EBF2: variants seen among roughly 807,000 people sequenced by gnomAD.
EBF2 encodes the protein transcription factor COE2.
Under a neutral mutation model 72.8 loss-of-function variants are expected in EBF2, and 21 were observed. The ratio of observed to expected loss-of-function variants is 0.29; its 90% CI spans 0.20 to 0.42. EBF2 has a LOEUF of 0.42. EBF2 is among the 10% of genes least tolerant of loss of function. The pLI is 1.00. For missense variants in EBF2, 637 were observed against 731.2 expected (o/e 0.87, Z 1.49); for synonymous variants, 299 against 274.2 (o/e 1.09, Z -0.89).
intron 6 of EBF2, among the ~76,000 whole-genome samples, chr8:26,002,883 CA>C (rs1804759937): frequency 1.2e-4 from 10 of 85,898 alleles, no homozygotes; most frequent in Admixed American, 2.1e-4. Flanking sequence ...GGCAGGCGGG[CA>C]GGCGGGCAGG....
At chr8:25,965,307 A>C (rs1033531922) in intron 6 of EBF2, among the ~76,000 whole-genome samples, 1 of 152,184 alleles carries the variant, frequency 6.6e-6, no homozygotes, top group African/African-American at 2.4e-5. Context: ...GATTTTGTGT[A>C]ACATATTTTG....
chr8:26,023,989 A>G (rs930193442), intron 6 of EBF2, among the ~76,000 whole-genome samples: 1 of 152,172 alleles, frequency 6.6e-6, no homozygotes, highest in Non-Finnish European at 1.5e-5. Context: ...TACATCTTCC[A>G]TCGCTAACAA....
At chr8:25,968,164 G>T (rs12541364) in intron 6 of EBF2, among the ~76,000 whole-genome samples, 86,058 of 151,866 alleles carry the variant, frequency 0.57, 24,760 homozygotes, top group East Asian at 0.89. Context: ...AATCATGATC[G>T]AGCAATTCCA....
At chr8:26,041,695 G>A (rs1585238790) in intron 2 of EBF2, among the ~76,000 whole-genome samples, 1 of 152,198 alleles carries the variant, frequency 6.6e-6, no homozygotes, top group Non-Finnish European at 1.5e-5. Context: ...GCCAAGGCTG[G>A]GCTGCCGGTT....
At chr8:25,919,943 CAT>C (rs1242362919) in intron 6 of EBF2, among the ~76,000 whole-genome samples, 6 of 152,200 alleles carry the variant, frequency 3.9e-5, no homozygotes, top group Non-Finnish European at 8.8e-5. Flanking sequence ...AGTTTGGAAA[CAT>C]AACACTTTTG....
intron 4 of EBF2, 62 bp from the exon 5 acceptor site, chr8:26,040,163 G>A (rs1258145126): frequency 1.9e-6 from 3 of 1,548,786 alleles, no homozygotes; most frequent in South Asian, 2.2e-5. Context: ...AAGGAAAGAA[G>A]GGACTTCAGA....
chr8:25,990,188 T>TATAC (rs373601248), intron 6 of EBF2, among the ~76,000 whole-genome samples: 1 of 146,268 alleles, frequency 6.8e-6, no homozygotes, highest in South Asian at 2.2e-4. Flanking sequence ...CTATGGGTTA[T>TATAC]ACACACACAC....
Position 25,950,405 on chromosome 8 carries a change from A to T in EBF2, c.552-41850T>A, listed in dbSNP as rs1408045383. The stretch of plus-strand genomic sequence containing the variant: ...GTAAAAGGCTAGAAAGCACAAGTGA[A>T]GTATTTGCTTAAAGAACGCATCTGC... On this transcript the variant is annotated intron_variant, in intron 6 of 15. Transcript: ENST00000520164. Among the ~76,000 whole-genome samples the T allele has an allele frequency of 5.3e-5, 8 of 152,378 alleles. No individual in the cohort carries two copies. The East Asian group carries it at 1.5e-3, about 29-fold the overall frequency.
chr8:25,887,795 A>G, intron 9 of EBF2, 47 bp downstream of exon 9: 1 of 1,489,970 alleles, frequency 6.7e-7, no homozygotes, highest in Non-Finnish European at 9.0e-7. Context: ...GATCAAAACA[A>G]TCTTTGGGCA....
At chr8:25,911,736 C>T (rs906449321) in intron 6 of EBF2, among the ~76,000 whole-genome samples, 4 of 152,184 alleles carry the variant, frequency 2.6e-5, no homozygotes, top group African/African-American at 9.7e-5. Flanking sequence ...AAAGAAACCA[C>T]TGAAAACAAG....
Position 25,842,470 on chromosome 8 carries a change from T to G in EBF2, c.*2139A>C, listed in dbSNP as rs1563369921. On this transcript the variant is annotated 3_prime_UTR_variant, in exon 16 of 16. Transcript: ENST00000520164. Reference sequence around the variant, plus strand: ...CTACTTAAAAAAAACAAAATTTCCTTATGTTGGATTGGCTCAAATCCAGGG... The same window carrying G: ...CTACTTAAAAAAAACAAAATTTCCTGATGTTGGATTGGCTCAAATCCAGGG... 1 of 152,204 alleles carries G rather than the reference T, an allele frequency of 6.6e-6. No individual in the cohort carries two copies. The highest frequency in any genetic ancestry group is 1.5e-5 in the Non-Finnish European group (1 of 68,034). The allele number at this position is 152,204 out of a possible 1,614,324, so 9.4% of individuals were successfully genotyped here. A position where few individuals can be genotyped will look rare whatever the true frequency, so the allele number is the denominator to read the frequency against.
chr8:26,031,232 G>A (rs1217726482), intron 6 of EBF2, among the ~76,000 whole-genome samples: 1 of 152,128 alleles, frequency 6.6e-6, no homozygotes, highest in Non-Finnish European at 1.5e-5. Context: ...TCAATCCACA[G>A]GCCGGAAAGG....
At chr8:26,001,332 AAG>A (rs1305197225) in intron 6 of EBF2, among the ~76,000 whole-genome samples, 1 of 152,214 alleles carries the variant, frequency 6.6e-6, no homozygotes, top group African/African-American at 2.4e-5. Context: ...CAGAGGAAGA[AAG>A]AGAGGTTGAT....
At chr8:25,928,496 A>C (rs1450072409) in intron 6 of EBF2, among the ~76,000 whole-genome samples, 1 of 151,224 alleles carries the variant, frequency 6.6e-6, no homozygotes. Flanking sequence ...CCAGGACACC[A>C]GCTGACAATT....
intron 10 of EBF2, among the ~76,000 whole-genome samples, chr8:25,865,343 T>C (rs937909797): frequency 5.9e-5 from 9 of 152,146 alleles, no homozygotes; most frequent in African/African-American, 2.2e-4. Flanking sequence ...AATATGGCTA[T>C]TCATTAATCA....
At chr8:25,866,582 TAA>T (rs1253899475) in intron 10 of EBF2, among the ~76,000 whole-genome samples, 1 of 136,672 alleles carries the variant, frequency 7.3e-6, no homozygotes, top group African/African-American at 2.8e-5. Flanking sequence ...ATATATATAA[TAA>T]TTTTTATATA....
At chr8:25,899,042 G>C (rs532779818) in intron 7 of EBF2, among the ~76,000 whole-genome samples, 15 of 152,066 alleles carry the variant, frequency 9.9e-5, no homozygotes, top group Non-Finnish European at 1.6e-4. Context: ...CTTTTACAAA[G>C]AGCTCAAAAC....
In EBF2 at chr8:25,908,467, C is replaced by T; in HGVS notation, c.633+7G>A. Reference sequence around the variant, plus strand: ...ATTTAACAGGAAAGATCTGCAGGGCCCCTTACCTGAAACCGTCTCATGTCC... The same window carrying T: ...ATTTAACAGGAAAGATCTGCAGGGCTCCTTACCTGAAACCGTCTCATGTCC... On this transcript the variant is annotated splice_region_variant and intron_variant, in intron 7 of 15. Coordinates refer to ENST00000520164, the MANE Select transcript of EBF2 (RefSeq NM_022659.4). The T allele has an allele frequency of 1.9e-6, 3 of 1,605,230 alleles. No individual in the cohort carries two copies. The highest frequency in any genetic ancestry group is 1.1e-5 in the South Asian group (1 of 90,570).
chr8:25,904,680 T>G (rs1262654083), intron 7 of EBF2, among the ~76,000 whole-genome samples: 1 of 152,206 alleles, frequency 6.6e-6, no homozygotes, highest in African/African-American at 2.4e-5. Flanking sequence ...TTCAGATGAC[T>G]GTCCTACCAC....
Sources: allele counts gnomAD v4.1 joint callset (sites outside exome capture counted in the v4.1 genomes callset), GRCh38; gene constraint gnomAD v4.1.1; transcripts MANE v1.5; gene names NCBI Gene and HGNC (gene_info 2026-07-23, HGNC 2026-07-21).